The following CSNK1G1 variants were observed in gnomAD, a reference collection of about 807,000 sequenced individuals.
The protein encoded by CSNK1G1 is casein kinase 1 gamma 1.
Under a neutral mutation model 59.6 loss-of-function variants are expected in CSNK1G1, and 22 were observed. The ratio of observed to expected loss-of-function variants is 0.37; its 90% CI spans 0.26 to 0.53. CSNK1G1 has a LOEUF of 0.53. Among genes scored for constraint, CSNK1G1 ranks in the 20% least tolerant of loss-of-function variants. The probability of loss-of-function intolerance (pLI) is 0.89; values close to 1 mark genes in which losing one functional copy is unlikely to be tolerated. For missense variants in CSNK1G1, 384 were observed against 519.5 expected, an observed-to-expected ratio of 0.74 and a Z score of 2.54; for synonymous variants, 179 against 177.1, an observed-to-expected ratio of 1.01 and a Z score of -0.08.
intron 4 of CSNK1G1, among the ~76,000 whole-genome samples, chr15:64,227,184 T>C (rs1326145104): frequency 3.3e-5 from 5 of 152,206 alleles, no homozygotes; most frequent in Non-Finnish European, 7.3e-5. Flanking sequence ...GCAAAGCAAA[T>C]TCAGTGGATT....
intron 8 of CSNK1G1, 60 bp from the exon 9 acceptor site, chr15:64,204,649 G>A (rs1402926863): frequency 5.8e-6 from 9 of 1,550,154 alleles, no homozygotes; most frequent in Admixed American, 5.5e-5. Flanking sequence ...TAGCAGTTGT[G>A]GGGAAGCATT....
At chr15:64,306,055 GA>G (rs892425446) in intron 1 of CSNK1G1, among the ~76,000 whole-genome samples, 1 of 152,078 alleles carries the variant, frequency 6.6e-6, no homozygotes, top group Admixed American at 6.5e-5. Context: ...TATGCCATAG[GA>G]AAAAATCTAA....
At chr15:64,354,849 G>A (rs753275948) in intron 1 of CSNK1G1, among the ~76,000 whole-genome samples, 1 of 152,204 alleles carries the variant, frequency 6.6e-6, no homozygotes, top group Admixed American at 6.6e-5. Context: ...AACTGGCATA[G>A]TCTAGGTTCA....
chr15:64,216,464 C>T lies in CSNK1G1; in HGVS notation c.444+98G>A. 2 of 1,231,440 alleles carry T rather than the reference C, an allele frequency of 1.6e-6. No homozygotes were observed. Among genetic ancestry groups the T allele is most frequent in the South Asian group, 2.8e-5 (2 of 71,484 alleles). 76.3% of individuals were successfully genotyped at this position (1,231,440 alleles called of 1,614,324 possible). A position where few individuals can be genotyped will look rare whatever the true frequency, so the allele number is the denominator to read the frequency against. The stretch of plus-strand genomic sequence containing the variant: ...GCCATCAAGCCTGTGAGTACTAATT[C>T]TTGATGTGTTGCTACGGCTAGTAAA... On this transcript the variant is annotated intron_variant, in intron 5 of 11. Coordinates refer to ENST00000303052, the MANE Select transcript of CSNK1G1 (RefSeq NM_022048.5). The surrounding 1 kb of genome is among the most constrained non-coding windows in gnomAD (Gnocchi z 4.6).
At chr15:64,270,781 C>A (rs1405372088) in intron 2 of CSNK1G1, among the ~76,000 whole-genome samples, 1 of 151,654 alleles carries the variant, frequency 6.6e-6, no homozygotes, top group Non-Finnish European at 1.5e-5. Context: ...AAAACACTAC[C>A]TGAGCTGTGT....
rs940479023 is a variant in CSNK1G1, at chr15:64,333,418, A to C, written c.-225+22570T>G. Among the ~76,000 whole-genome samples the C allele has an allele frequency of 2.1e-4, 28 of 134,886 alleles. No individual in the cohort carries two copies. The South Asian group carries it at 5.5e-3, about 27-fold the overall frequency. The allele number at this position is 134,886 out of a possible 152,430, so 88.5% of individuals were successfully genotyped here. On this transcript the variant is annotated intron_variant, in intron 1 of 11. Transcript: ENST00000303052. Reference sequence around the variant, plus strand: ...AGTTCAAGACCAGCCTGGGCAACACAGTGAGACACCATCTCAAAAAAAAAA... The same window carrying C: ...AGTTCAAGACCAGCCTGGGCAACACCGTGAGACACCATCTCAAAAAAAAAA...
chr15:64,349,032 G>A (rs1400921382), intron 1 of CSNK1G1, among the ~76,000 whole-genome samples: 1 of 151,434 alleles, frequency 6.6e-6, no homozygotes, highest in Non-Finnish European at 1.5e-5. Flanking sequence ...AGCTACTCAG[G>A]AGTCTGAGGC....
intron 1 of CSNK1G1, among the ~76,000 whole-genome samples, chr15:64,322,928 T>C (rs1896638470): frequency 6.6e-6 from 1 of 151,940 alleles, no homozygotes; most frequent in Admixed American, 6.6e-5. Flanking sequence ...TTCCTCGTTT[T>C]GTTTTTGGGT....
chr15:64,201,966 T>C (rs1024346568), intron 10 of CSNK1G1, among the ~76,000 whole-genome samples: 2 of 152,190 alleles, frequency 1.3e-5, no homozygotes, highest in African/African-American at 2.4e-5. Context: ...CTTAGCAATA[T>C]ATTTAATATA....
chr15:64,326,698 G>T lies in CSNK1G1; in HGVS notation c.-224-25975C>A, dbSNP rs150815752. Reference sequence around the variant, plus strand: ...AAGATGGCCGAATAGGAACAGCTCCGGTCTACAGCTTCCAGCATGAGCGAC... The same window carrying T: ...AAGATGGCCGAATAGGAACAGCTCCTGTCTACAGCTTCCAGCATGAGCGAC... On this transcript the variant is annotated intron_variant, in intron 1 of 11. Transcript: ENST00000303052. 8.2e-3 allele frequency among the ~76,000 whole-genome samples: 1,247 copies of T among 151,804 alleles called. 16 individuals are homozygous for T. Among genetic ancestry groups the T allele is most frequent in the African/African-American group, 0.029 (1,194 of 41,384 alleles).
chr15:64,350,491 A>C (rs1898229165), intron 1 of CSNK1G1, among the ~76,000 whole-genome samples: 1 of 151,628 alleles, frequency 6.6e-6, no homozygotes, highest in Non-Finnish European at 1.5e-5. Context: ...ACAGAGCAAG[A>C]CTCTGTCTCC....
At chr15:64,327,794 T>A (rs1416580646) in intron 1 of CSNK1G1, among the ~76,000 whole-genome samples, 4 of 87,582 alleles carry the variant, frequency 4.6e-5, no homozygotes, top group African/African-American at 2.0e-4. Context: ...TAGAAGAATG[T>A]ATAACTAGAA....
chr15:64,215,203 AC>A, intron 5 of CSNK1G1, among the ~76,000 whole-genome samples: 2 of 133,110 alleles, frequency 1.5e-5, no homozygotes, highest in South Asian at 4.8e-4. Context: ...TTTTCTACTA[AC>A]TTTTTTTTTT....
chr15:64,337,798 T>C (rs1477555411), intron 1 of CSNK1G1, among the ~76,000 whole-genome samples: 1 of 152,312 alleles, frequency 6.6e-6, no homozygotes, highest in South Asian at 2.1e-4. Flanking sequence ...CATTAAACAA[T>C]AGCTCTGCTT....
At chr15:64,220,434 A>G (rs534011515) in intron 4 of CSNK1G1, among the ~76,000 whole-genome samples, 1 of 152,034 alleles carries the variant, frequency 6.6e-6, no homozygotes, top group South Asian at 2.1e-4. Flanking sequence ...TTGCCCAGTT[A>G]TAACTCCAGT....
intron 1 of CSNK1G1, among the ~76,000 whole-genome samples, chr15:64,351,096 G>A (rs1898259547): frequency 6.6e-6 from 1 of 151,940 alleles, no homozygotes; most frequent in South Asian, 2.1e-4. Context: ...TATGACACCA[G>A]CCTTTTTTTA....
chr15:64,195,516 T>C (rs896670123), intron 10 of CSNK1G1, among the ~76,000 whole-genome samples: 3 of 152,226 alleles, frequency 2.0e-5, no homozygotes, highest in South Asian at 2.1e-4. Flanking sequence ...ATGCACATAG[T>C]AGTCAATGCA....
chr15:64,275,521 T>G (rs1243781734), intron 2 of CSNK1G1, among the ~76,000 whole-genome samples: 1 of 152,190 alleles, frequency 6.6e-6, no homozygotes, highest in Non-Finnish European at 1.5e-5. Context: ...TTTTTTCTTG[T>G]GTCAAGTTTT....
rs556878710 is a variant in CSNK1G1 at position 64,210,464 on chromosome 15, C to T, written c.680-2870G>A. ...TTCTACATGCCCTCATTTTTTCATG[C>T]AGCATATTTTCATTTTCAAAGAAGA... On this transcript the variant is annotated intron_variant, in intron 6 of 11. Transcript: ENST00000303052. The surrounding 1 kb of genome is among the most constrained non-coding windows in gnomAD (Gnocchi z 4.2). Among the ~76,000 whole-genome samples the T allele has an allele frequency of 6.6e-6, 1 of 152,184 alleles. No homozygotes were observed. Among genetic ancestry groups the T allele is most frequent in the Admixed American group, 6.5e-5 (1 of 15,288 alleles).
Sources: gnomAD v4.1 joint callset for allele counts (sites outside exome capture counted in the v4.1 genomes callset) on GRCh38, gnomAD v4.1.1 for gene constraint, Gnocchi (gnomAD v3.1) non-coding constraint, MANE v1.5 for transcripts, NCBI Gene and HGNC (gene_info 2026-07-23, HGNC 2026-07-21) for gene names.